The following MYOF variants were observed in gnomAD, a reference collection of about 807,000 sequenced individuals.
MYOF encodes myoferlin, also known as fer-1-like 3, myoferlin.
Under a neutral mutation model 284.2 loss-of-function variants are expected in MYOF, and 244 were observed. That is an observed-to-expected ratio of 0.86 (90% CI 0.77 to 0.95). The LOEUF (loss-of-function observed/expected upper bound fraction) is 0.95. Among genes scored for constraint, MYOF ranks in the 40% least tolerant of loss-of-function variants. MYOF has a pLI of 0.00. For synonymous variants in MYOF, 904 were observed against 919.7 expected (o/e 0.98, Z 0.31); for missense variants, 2,496 against 2,560.6 (o/e 0.97, Z 0.54).
At chr10:93,463,400 T>A (rs1203478920) in intron 1 of MYOF, among the ~76,000 whole-genome samples, 13 of 143,218 alleles carry the variant, frequency 9.1e-5, no homozygotes, top group African/African-American at 2.6e-4. Flanking sequence ...ACAAATTTTT[T>A]TTTTTTTTTT....
chr10:93,445,610 G>A (rs761240321), intron 3 of MYOF, among the ~76,000 whole-genome samples: 4 of 152,210 alleles, frequency 2.6e-5, no homozygotes, highest in Admixed American at 6.5e-5. Context: ...AAGGCAACCC[G>A]CTCCCAGTGC....
rs544237470 is a variant in MYOF, at chr10:93,397,729, T to G, written c.1222-273A>C. 1.3e-4 allele frequency among the ~76,000 whole-genome samples: 19 copies of G among 151,974 alleles called. 1 individual carries two copies. The South Asian group carries it at 3.8e-3, about 30-fold the overall frequency. ...TAGATTAATGTAAAAAAGCAAGAGA[T>G]AAGGTTGATAGAGCATTTGTTACAT... On this transcript the variant is annotated intron_variant, in intron 13 of 53. Coordinates refer to ENST00000359263, the MANE Select transcript of MYOF (RefSeq NM_013451.4).
intron 31 of MYOF, among the ~76,000 whole-genome samples, chr10:93,354,703 T>TCTCTCTCTCTCTCTCTCTCTCTG (rs1243618498): frequency 4.2e-5 from 3 of 70,758 alleles, no homozygotes; most frequent in South Asian, 4.6e-4. Context: ...CTCTCTCTCT[T>TCTCTCTCTCTCTCTCTCTCTCTG]TGTGAGATAG....
At chr10:93,418,749 A>G in intron 5 of MYOF, among the ~76,000 whole-genome samples, 1 of 152,196 alleles carries the variant, frequency 6.6e-6, no homozygotes, top group East Asian at 1.9e-4. Flanking sequence ...CTCTCTGGAG[A>G]TGGGCGCCAG....
At chr10:93,400,662 C>G (rs983282194) in intron 12 of MYOF, among the ~76,000 whole-genome samples, 2 of 152,044 alleles carry the variant, frequency 1.3e-5, no homozygotes, top group East Asian at 3.9e-4. Context: ...CAGCAGGAAC[C>G]AGACAGGCCC....
intron 37 of MYOF, among the ~76,000 whole-genome samples, chr10:93,347,262 T>C (rs787701): frequency 0.69 from 104,646 of 152,082 alleles, 36,771 homozygotes; most frequent in East Asian, 0.97. Flanking sequence ...GCATGAAAAG[T>C]CCCCAGACGG....
In MYOF at chr10:93,347,764, A is replaced by G. The variant is rs1564637593; in HGVS notation, c.4102T>C (p.Leu1368=). Residue 1368 remains leucine (L), a synonymous_variant, in exon 37 of 54, where the codon TTG becomes CTG. Coordinates refer to ENST00000359263, the MANE Select transcript of MYOF (RefSeq NM_013451.4). ...FMKVFLPKEE[L]YMPPLVIKVI... ...TTGATCACCAGTGGGGGCATGTACA[A>G]TTCCTCCTTGGGCAAGAACTGGGGG... The G allele has an allele frequency of 1.9e-6, 3 of 1,612,414 alleles. No individual in the cohort carries two copies. The highest frequency in any genetic ancestry group is 1.1e-5 in the South Asian group (1 of 90,924).
At chr10:93,322,067 G>C (rs1842865354) in intron 48 of MYOF, among the ~76,000 whole-genome samples, 3 of 151,820 alleles carry the variant, frequency 2.0e-5, no homozygotes, top group Admixed American at 2.0e-4. Flanking sequence ...GCTGAGATTA[G>C]TTTCCCTAGA....
intron 5 of MYOF, among the ~76,000 whole-genome samples, chr10:93,423,781 C>T (rs1202761876): frequency 1.3e-5 from 2 of 149,756 alleles, no homozygotes; most frequent in African/African-American, 2.5e-5. Context: ...TGCAGTGAGC[C>T]GAGATCGTGC....
At chr10:93,399,043 T>C (rs1721801) in intron 13 of MYOF, among the ~76,000 whole-genome samples, 57,304 of 151,710 alleles carry the variant, frequency 0.38, 12,463 homozygotes, top group Middle Eastern at 0.6. Context: ...GGGGGGTCTC[T>C]GTCCTACAAC....
In MYOF at chr10:93,431,418, T is replaced by C. The variant is rs1404496978; in HGVS notation, c.335A>G (p.Gln112Arg). ...AGAGAAAACACTCACCCCAGTATCT[T>C]GCCCTTTTTCATTTAGCAGGGAGAT... is the stretch of plus-strand genomic sequence containing the variant. Reference protein sequence around the residue: ...KLISLLNEKGQDTGATIDLVI... With the variant: ...KLISLLNEKGRDTGATIDLVI... Residue 112 changes from glutamine to arginine, a missense_variant, in exon 4 of 54, where the codon CAA becomes CGA. By Grantham distance (43) the Gln-to-Arg change is conservative. Transcript: ENST00000359263. 2 of 1,613,822 alleles carry C rather than the reference T, an allele frequency of 1.2e-6. No homozygotes were observed. Among genetic ancestry groups the C allele is most frequent in the East Asian group, 2.2e-5 (1 of 44,856 alleles).
intron 25 of MYOF, among the ~76,000 whole-genome samples, chr10:93,367,465 C>T (rs984487327): frequency 3.2e-4 from 49 of 152,258 alleles, no homozygotes; most frequent in Non-Finnish European, 5.1e-4. Flanking sequence ...CAAGAGGACA[C>T]AATGGTGCTT....
rs1343851615 is a variant in MYOF at position 93,397,162 on chromosome 10, CAGAA to C, written c.1334+81_1334+84del. The C allele has an allele frequency of 1.4e-5, 17 of 1,214,344 alleles. No homozygotes were observed. The African/African-American group carries it at 1.6e-4, about 11-fold the overall frequency. The allele number at this position is 1,214,344 out of a possible 1,614,324, so 75.2% of individuals were successfully genotyped here. ...CTCCTCTGGAAGGAAAGCAAAATACCAGAAAGAGACAATCCAGAGTAATGTTTCA... is the reference window on the plus strand; with the variant it reads ...CTCCTCTGGAAGGAAAGCAAAATACCAGAGACAATCCAGAGTAATGTTTCA... On this transcript the variant is annotated intron_variant, in intron 15 of 53. Transcript: ENST00000359263.
intron 1 of MYOF, among the ~76,000 whole-genome samples, chr10:93,465,470 T>G (rs1455823569): frequency 1.3e-5 from 2 of 152,014 alleles, no homozygotes; most frequent in Non-Finnish European, 2.9e-5. Context: ...CAGTAAGCAC[T>G]AAACAAATGA....
intron 3 of MYOF, among the ~76,000 whole-genome samples, chr10:93,438,145 A>G (rs552294235): frequency 6.6e-6 from 1 of 152,242 alleles, no homozygotes; most frequent in East Asian, 1.9e-4. Flanking sequence ...TGGGTTAGCC[A>G]GAATCCCCCT....
rs370414547 is a variant in MYOF, at chr10:93,336,028, C to A, written c.4456G>T (p.Glu1486Ter). Reference protein sequence around the residue: ...SKLKIYNCELENVAEFEGLTD... With the variant: ...SKLKIYNCEL ...AGGCCCTCAAATTCTGCTACATTTTCTAGTTCACAATTATATATCTGAAAA... is the reference window on the plus strand; with the variant it reads ...AGGCCCTCAAATTCTGCTACATTTTATAGTTCACAATTATATATCTGAAAA... The change falls in exon 41 of 54, where the codon GAA (glutamate) becomes TAA (stop). Residue 1486 changes from glutamate (E) to a stop codon, truncating the protein, a stop_gained. Coordinates refer to ENST00000359263, the MANE Select transcript of MYOF (RefSeq NM_013451.4). LOFTEE classifies it high-confidence loss of function. The A allele has an allele frequency of 5.0e-6, 8 of 1,613,860 alleles. No individual in the cohort carries two copies. Among genetic ancestry groups the A allele is most frequent in the Non-Finnish European group, 6.8e-6 (8 of 1,179,986 alleles).
intron 53 of MYOF, among the ~76,000 whole-genome samples, chr10:93,309,506 T>G (rs530544852): frequency 1.9e-4 from 29 of 152,060 alleles, no homozygotes; most frequent in African/African-American, 6.8e-4. Flanking sequence ...GATAGATAAA[T>G]GTGGACAGAG....
intron 1 of MYOF, among the ~76,000 whole-genome samples, chr10:93,477,834 G>A (rs1210408227): frequency 2.0e-5 from 3 of 152,164 alleles, no homozygotes; most frequent in African/African-American, 4.8e-5. Context: ...GTGACAGAGC[G>A]AGACTCCATC....
At position 93,356,660 on chromosome 10, in the gene MYOF, C is replaced by T. The variant is rs1337211730; in HGVS notation, c.3294+15G>A. On this transcript the variant is annotated intron_variant, in intron 30 of 53. Transcript: ENST00000359263. ...TACACCAATATGATCTGCGCTCTGG[C>T]AACCTAGTACTTACAAGGGCACCTT... 11 of 1,607,682 alleles carry T rather than the reference C, an allele frequency of 6.8e-6. No homozygotes were observed. The highest frequency in any genetic ancestry group is 1.7e-4 in the Middle Eastern group (1 of 6,036).
Sources: allele counts gnomAD v4.1 joint callset (sites outside exome capture counted in the v4.1 genomes callset), GRCh38; gene constraint gnomAD v4.1.1; transcripts MANE v1.5; gene names NCBI Gene and HGNC (gene_info 2026-07-23, HGNC 2026-07-21).